The following PHF24 variants were observed in gnomAD, a reference collection of about 807,000 sequenced individuals.
PHF24 encodes Galpha inhibitory interacting protein.
PHF24 carries 25 observed loss-of-function variants against 42.6 expected under a neutral mutation model. The ratio of observed to expected loss-of-function variants is 0.59; its 90% confidence interval spans 0.43 to 0.82. The LOEUF is 0.82. PHF24 is among the 40% of genes least tolerant of loss of function. The probability of loss-of-function intolerance (pLI) is 0.00; values close to 1 mark genes in which losing one functional copy is unlikely to be tolerated. For missense variants in PHF24, 470 were observed against 538.1 expected (o/e 0.87, Z 1.25); for synonymous variants, 185 against 204.8 (o/e 0.90, Z 0.83).
the PHF24 span, among the ~76,000 whole-genome samples, chr9:34,920,367 A>G: frequency 2.6e-5 from 4 of 152,084 alleles, no homozygotes; most frequent in East Asian, 1.9e-4. Context: ...CCATTGACCT[A>G]TGTGTCTGTT....
At chr9:34,833,386 C>T in the PHF24 span, 2 of 1,550,972 alleles carry the variant, frequency 1.3e-6, no homozygotes, top group African/African-American at 1.4e-5. Context: ...GGTTCTGCTG[C>T]ACTGCCTTCA....
the PHF24 span, among the ~76,000 whole-genome samples, chr9:34,750,173 A>G: frequency 1.3e-5 from 2 of 152,218 alleles, no homozygotes; most frequent in South Asian, 2.1e-4. Flanking sequence ...AGAAAAACAC[A>G]GATGAAACAA....
the PHF24 span, among the ~76,000 whole-genome samples, chr9:34,742,820 C>T: frequency 3.5e-3 from 531 of 152,240 alleles, 3 homozygotes; most frequent in African/African-American, 0.012. Flanking sequence ...AATAGTCACA[C>T]TTTAACAAGA....
the PHF24 span, among the ~76,000 whole-genome samples, chr9:34,894,214 A>T: frequency 6.6e-6 from 1 of 152,210 alleles, no homozygotes; most frequent in African/African-American, 2.4e-5. Context: ...CCTGAATTCT[A>T]GAACTACTGT....
the PHF24 span, among the ~76,000 whole-genome samples, chr9:34,696,356 C>G: frequency 6.6e-6 from 1 of 151,924 alleles, no homozygotes; most frequent in African/African-American, 2.4e-5. Flanking sequence ...GGCACGCTGG[C>G]GAGTGCCTGT....
the PHF24 span, among the ~76,000 whole-genome samples, chr9:34,828,524 C>T: frequency 1.3e-5 from 2 of 152,196 alleles, no homozygotes; most frequent in Non-Finnish European, 1.5e-5. Context: ...TCCTTGAATA[C>T]GTGATTATAC....
chr9:34,665,630 C>G, the PHF24 span: 1 of 701,414 alleles, frequency 1.4e-6, no homozygotes, highest in Non-Finnish European at 2.6e-6. Context: ...CCGCCTCCAG[C>G]GCCACCTCGT....
the PHF24 span, among the ~76,000 whole-genome samples, chr9:34,854,196 A>ATTTTTT: frequency 4.6e-4 from 49 of 106,674 alleles, 1 homozygote; most frequent in Non-Finnish European, 7.0e-4. Context: ...CAGTCTATCT[A>ATTTTTT]TTTTTTTTTT....
the PHF24 span, among the ~76,000 whole-genome samples, chr9:34,929,915 T>C: frequency 6.6e-6 from 1 of 152,224 alleles, no homozygotes; most frequent in Non-Finnish European, 1.5e-5. Context: ...ATTGTAACCC[T>C]TTCAGAGAAT....
chr9:34,684,233 A>G, the PHF24 span, among the ~76,000 whole-genome samples: 1 of 152,124 alleles, frequency 6.6e-6, no homozygotes, highest in Non-Finnish European at 1.5e-5. Context: ...CAGCACCTAG[A>G]ATAGTGCCTG....
At chr9:34,708,162 G>C in the PHF24 span, among the ~76,000 whole-genome samples, 2 of 152,314 alleles carry the variant, frequency 1.3e-5, no homozygotes, top group East Asian at 3.9e-4. Flanking sequence ...TCACTCTGGG[G>C]AGGAAGAGGT....
the PHF24 span, among the ~76,000 whole-genome samples, chr9:34,673,362 A>C: frequency 1.3e-5 from 2 of 152,010 alleles, no homozygotes; most frequent in Non-Finnish European, 2.9e-5. Context: ...TCAAAAAAAA[A>C]AAAAAGAGAG....
At chr9:34,718,667 A>C in the PHF24 span, among the ~76,000 whole-genome samples, 1 of 152,246 alleles carries the variant, frequency 6.6e-6, no homozygotes, top group Non-Finnish European at 1.5e-5. Flanking sequence ...CACATGGTGC[A>C]GGAAGCAGTG....
the PHF24 span, among the ~76,000 whole-genome samples, chr9:34,766,821 T>C: frequency 3.9e-5 from 6 of 152,216 alleles, no homozygotes; most frequent in African/African-American, 1.2e-4. Context: ...TTTTTCCCCA[T>C]CTTTGCGGTT....
chr9:34,975,531 A>C (rs1827155548), intron 3 of PHF24, among the ~76,000 whole-genome samples: 1 of 152,186 alleles, frequency 6.6e-6, no homozygotes, highest in Non-Finnish European at 1.5e-5. Context: ...ACTGTATGGT[A>C]ACGTCAACAC....
intron 1 of PHF24, among the ~76,000 whole-genome samples, chr9:34,959,969 G>A (rs1826532823): frequency 6.6e-6 from 1 of 152,210 alleles, no homozygotes; most frequent in Non-Finnish European, 1.5e-5. Context: ...TTGCCCAAGA[G>A]TGCCTCTGCA....
At chr9:34,947,874 C>T in the PHF24 span, among the ~76,000 whole-genome samples, 12 of 152,104 alleles carry the variant, frequency 7.9e-5, no homozygotes, top group East Asian at 1.5e-3. Context: ...TTTGGGAGGC[C>T]GAGGCAGGCA....
chr9:34,843,180 A>C, the PHF24 span, among the ~76,000 whole-genome samples: 2 of 152,230 alleles, frequency 1.3e-5, no homozygotes, highest in East Asian at 3.8e-4. Flanking sequence ...GAATGAGACT[A>C]ATTTTCTGAT....
At chr9:34,794,058 G>C in the PHF24 span, among the ~76,000 whole-genome samples, 1 of 151,992 alleles carries the variant, frequency 6.6e-6, no homozygotes, top group Non-Finnish European at 1.5e-5. Context: ...AGAGGGAGGA[G>C]CTTGGGAAAG....
Sources: allele counts gnomAD v4.1 joint callset (sites outside exome capture counted in the v4.1 genomes callset), GRCh38; gene constraint gnomAD v4.1.1; transcripts MANE v1.5; gene names NCBI Gene and HGNC (gene_info 2026-07-23, HGNC 2026-07-21).